The following RAD54L2 variants were observed in gnomAD, a reference collection of about 807,000 sequenced individuals.
The protein encoded by RAD54L2 is helicase ARIP4.
RAD54L2 carries 27 observed loss-of-function variants against 138.4 expected under a neutral mutation model. The ratio of observed to expected loss-of-function variants is 0.20; its 90% CI spans 0.14 to 0.27. RAD54L2 has a LOEUF of 0.27. Among genes scored for constraint, RAD54L2 ranks in the 10% least tolerant of loss-of-function variants. The probability of loss-of-function intolerance (pLI) is 1.00; values close to 1 mark genes in which losing one functional copy is unlikely to be tolerated. For synonymous variants in RAD54L2, 644 were observed against 723.2 expected (o/e 0.89, Z 1.76); for missense variants, 1,396 against 1,890.2 (o/e 0.74, Z 4.85).
intron 9 of RAD54L2, among the ~76,000 whole-genome samples, chr3:51,635,136 G>A (rs1700953657): frequency 6.6e-6 from 1 of 152,122 alleles, no homozygotes; most frequent in Admixed American, 6.5e-5. Context: ...GGGTCATCTG[G>A]TCTCTTCTCC....
chr3:51,560,569 G>A (rs1401653933), intron 2 of RAD54L2, among the ~76,000 whole-genome samples: 2 of 151,888 alleles, frequency 1.3e-5, no homozygotes, highest in African/African-American at 4.8e-5. Context: ...CACTGTGTTA[G>A]CCAGGCTGCG....
At chr3:51,627,381 A>C (rs975129694) in intron 3 of RAD54L2, among the ~76,000 whole-genome samples, 172 bp from the exon 4 acceptor site, 1 of 152,226 alleles carries the variant, frequency 6.6e-6, no homozygotes, top group Non-Finnish European at 1.5e-5. Context: ...TATGGGCCTC[A>C]CTATCCTCAT....
intron 2 of RAD54L2, among the ~76,000 whole-genome samples, chr3:51,544,101 AC>A (rs782491464): frequency 1.3e-5 from 2 of 151,996 alleles, no homozygotes; most frequent in Non-Finnish European, 2.9e-5. Flanking sequence ...CTAGTTTATT[AC>A]CTACTTCAAG....
intron 7 of RAD54L2, 26 bp from the exon 8 acceptor site, chr3:51,633,551 T>C (rs375902502): frequency 2.9e-4 from 464 of 1,598,292 alleles, no homozygotes; most frequent in Admixed American, 7.8e-4. Context: ...TGAGCCCCTC[T>C]GACATTTGTC....
At chr3:51,611,470 G>A (rs545989451) in intron 3 of RAD54L2, 34 of 152,058 alleles carry the variant, frequency 2.2e-4, no homozygotes, top group African/African-American at 8.0e-4. Flanking sequence ...CAAAGTAGGT[G>A]GCTTTGCCTT....
At chr3:51,653,554 G>T (rs1701508322) in intron 19 of RAD54L2, among the ~76,000 whole-genome samples, 1 of 152,198 alleles carries the variant, frequency 6.6e-6, no homozygotes, top group Admixed American at 6.5e-5. Context: ...ATGATAGACT[G>T]AATTAAGAAA....
intron 3 of RAD54L2, chr3:51,611,458 C>T (rs1700327709): frequency 1.3e-5 from 2 of 152,042 alleles, no homozygotes; most frequent in South Asian, 4.1e-4. Flanking sequence ...GGTTCAATGC[C>T]TCAAAGTAGG....
intron 19 of RAD54L2, among the ~76,000 whole-genome samples, chr3:51,647,458 G>A (rs868395308): frequency 2.6e-5 from 4 of 152,106 alleles, no homozygotes; most frequent in African/African-American, 7.2e-5. Flanking sequence ...ACCTGAGGTC[G>A]GGAGTTCAAA....
intron 19 of RAD54L2, among the ~76,000 whole-genome samples, chr3:51,650,063 G>A (rs1403915334): frequency 6.7e-6 from 1 of 149,176 alleles, no homozygotes; most frequent in Non-Finnish European, 1.5e-5. Flanking sequence ...GAGACACACA[G>A]AAGCTCAAAA....
In RAD54L2 at chr3:51,630,942, C is replaced by T; in HGVS notation, c.825+11C>T. ...GTGAAACCTCATCAGGTACAGCAAA[C>T]CTTGACTGTTTTCTCCTTTTCCTTT... On this transcript the variant is annotated intron_variant, in intron 7 of 22. Transcript: ENST00000684192. The T allele has an allele frequency of 6.3e-7, 1 of 1,595,018 alleles. No homozygotes were observed. Among genetic ancestry groups the T allele is most frequent in the Non-Finnish European group, 8.6e-7 (1 of 1,163,994 alleles).
At chr3:51,564,575 G>C (rs1339172559) in intron 2 of RAD54L2, among the ~76,000 whole-genome samples, 1 of 152,160 alleles carries the variant, frequency 6.6e-6, no homozygotes, top group East Asian at 1.9e-4. Flanking sequence ...CTAGGATTCA[G>C]CAAAACTTAG....
At chr3:51,538,961 G>C (rs2108679949) in intron 1 of RAD54L2, among the ~76,000 whole-genome samples, 46 bp downstream of exon 1, 1 of 152,288 alleles carries the variant, frequency 6.6e-6, no homozygotes, top group African/African-American at 2.4e-5. Flanking sequence ...GGGCCGCCGG[G>C]TCCCGCAACA....
chr3:51,623,846 G>A, intron 3 of RAD54L2, among the ~76,000 whole-genome samples: 1 of 151,946 alleles, frequency 6.6e-6, no homozygotes, highest in South Asian at 2.1e-4. Flanking sequence ...GCATGGTGGT[G>A]GGCACCTGTA....
At chr3:51,574,735 T>C (rs1171445489) in intron 2 of RAD54L2, among the ~76,000 whole-genome samples, 1 of 152,254 alleles carries the variant, frequency 6.6e-6, no homozygotes, top group Non-Finnish European at 1.5e-5. Context: ...CTTTGTAGAT[T>C]CTGGATATTA....
In RAD54L2 at chr3:51,538,747, C is replaced by T. The variant is rs967113968; in HGVS notation, c.-285C>T. ...GGCGAGCGCCGCCGCCGGTGGAGACCGACGCTTGGCCAGAGCCAGCCCGCG... is the reference window on the plus strand; with the variant it reads ...GGCGAGCGCCGCCGCCGGTGGAGACTGACGCTTGGCCAGAGCCAGCCCGCG... On this transcript the variant is annotated 5_prime_UTR_variant, in exon 1 of 23. Coordinates refer to ENST00000684192, the MANE Select transcript of RAD54L2 (RefSeq NM_015106.4). 3.2e-4 allele frequency among the ~76,000 whole-genome samples: 48 copies of T among 151,934 alleles called. No individual in the cohort carries two copies. Among genetic ancestry groups the T allele is most frequent in the Non-Finnish European group, 6.5e-4 (44 of 67,940 alleles).
rs199501567 is a variant in RAD54L2 at position 51,607,062 on chromosome 3, CTTTTTATTTT to C, written c.139+16517_139+16526del. Among the ~76,000 whole-genome samples the C allele has an allele frequency of 2.8e-3, 386 of 138,926 alleles. 8 individuals are homozygous for C. In the East Asian group the frequency reaches 0.07, roughly 25 times the overall value. 91.1% of individuals were successfully genotyped at this position (138,926 alleles called of 152,430 possible). The stretch of plus-strand genomic sequence containing the variant: ...GATATCTAACTTTTTTTGGATTTCT[CTTTTTATTTT>C]TTTTTATTTTTTTATTTTTTATTTT... On this transcript the variant is annotated intron_variant, in intron 3 of 22. Transcript: ENST00000684192.
At chr3:51,598,119 G>GTATATA (rs562049585) in intron 3 of RAD54L2, among the ~76,000 whole-genome samples, 7 of 146,186 alleles carry the variant, frequency 4.8e-5, no homozygotes, top group African/African-American at 1.8e-4. Context: ...ATGTGTGTGT[G>GTATATA]TATATATATA....
chr3:51,553,472 A>G (rs777886222), intron 2 of RAD54L2, among the ~76,000 whole-genome samples: 11 of 152,222 alleles, frequency 7.2e-5, no homozygotes, highest in Non-Finnish European at 1.5e-4. Context: ...CCATTACAAT[A>G]AAGCAAATAT....
At chr3:51,632,596 G>C (rs1449606721) in intron 7 of RAD54L2, among the ~76,000 whole-genome samples, 1 of 147,258 alleles carries the variant, frequency 6.8e-6, no homozygotes, top group Non-Finnish European at 1.5e-5. Flanking sequence ...TGCCTGGCCT[G>C]TTAAAGAGTT....
Sources: allele counts gnomAD v4.1 joint callset (sites outside exome capture counted in the v4.1 genomes callset), GRCh38; gene constraint gnomAD v4.1.1; transcripts MANE v1.5; gene names NCBI Gene and HGNC (gene_info 2026-07-23, HGNC 2026-07-21).